The following PHKB variants were observed in gnomAD, a reference collection of about 807,000 sequenced individuals.
PHKB encodes phosphorylase b kinase regulatory subunit beta.
In PHKB, 122 loss-of-function variants were observed where a neutral mutation model predicts 152.1. The ratio of observed to expected loss-of-function variants is 0.80; its 90% CI spans 0.69 to 0.93. PHKB has a LOEUF of 0.93. PHKB is among the 40% of genes least tolerant of loss of function. PHKB has a pLI of 0.00. For missense variants in PHKB, 1,304 were observed against 1,328.4 expected (o/e 0.98, Z 0.29); for synonymous variants, 436 against 464.9 (o/e 0.94, Z 0.80).
At chr16:47,501,776 G>A (rs1284962178) in intron 3 of PHKB, among the ~76,000 whole-genome samples, 2 of 152,154 alleles carry the variant, frequency 1.3e-5, no homozygotes, top group African/African-American at 2.4e-5. Context: ...AATACAAGAG[G>A]ATAGGCAGCA....
At chr16:47,478,922 A>T (rs947484714) in intron 1 of PHKB, among the ~76,000 whole-genome samples, 6 of 152,240 alleles carry the variant, frequency 3.9e-5, no homozygotes, top group Non-Finnish European at 7.3e-5. Context: ...ACAGACCAAA[A>T]TAATGAATGT....
intron 14 of PHKB, among the ~76,000 whole-genome samples, chr16:47,627,472 C>G (rs923160940): frequency 6.6e-6 from 1 of 152,212 alleles, no homozygotes; most frequent in African/African-American, 2.4e-5. Flanking sequence ...GTATTCTCTT[C>G]CACTATAATC....
chr16:47,669,359 G>T lies in PHKB; in HGVS notation c.2572G>T (p.Gly858Cys), dbSNP rs1417249185. ...TCAGCAAGAACTGGTCATCCATATT[G>T]GCTGGATCATCTCCAATAACCCTGA... ...VIQQELVIHI[G>C]WIISNNPELF... Residue 858 changes from glycine to cysteine, a missense_variant, in exon 26 of 31, where the codon GGC (glycine) becomes TGC (cysteine). Gly to Cys is a radical substitution (Grantham distance 159, BLOSUM62 -3). Transcript: ENST00000323584. 2 of 1,614,140 alleles carry T rather than the reference G, an allele frequency of 1.2e-6. No individual in the cohort carries two copies. Among genetic ancestry groups the T allele is most frequent in the Non-Finnish European group, 8.5e-7 (1 of 1,180,010 alleles).
intron 6 of PHKB, among the ~76,000 whole-genome samples, chr16:47,540,819 G>GTTTTTTTTTTTTT (rs75589113): frequency 1.6e-5 from 1 of 64,286 alleles, no homozygotes; most frequent in African/African-American, 6.4e-5. Context: ...TAAATGTCCT[G>GTTTTTTTTTTTTT]TTTTTTTTTT....
At chr16:47,531,069 A>G (rs1385229113) in intron 6 of PHKB, among the ~76,000 whole-genome samples, 1 of 152,166 alleles carries the variant, frequency 6.6e-6, no homozygotes, top group Non-Finnish European at 1.5e-5. Context: ...ATGGAAATTC[A>G]ACAATGTGAT....
At chr16:47,477,991 T>C (rs1218476136) in intron 1 of PHKB, among the ~76,000 whole-genome samples, 1 of 152,072 alleles carries the variant, frequency 6.6e-6, no homozygotes, top group South Asian at 2.1e-4. Context: ...AAGAGAAAAT[T>C]ATATACTTTT....
chr16:47,525,116 C>G (rs886573360), intron 6 of PHKB, among the ~76,000 whole-genome samples: 1 of 152,040 alleles, frequency 6.6e-6, no homozygotes, highest in Non-Finnish European at 1.5e-5. Context: ...CATTTTTTCC[C>G]TAAAATCTTG....
chr16:47,566,352 T>C (rs901932432), intron 7 of PHKB: 1 of 1,414,072 alleles, frequency 7.1e-7, no homozygotes, highest in African/African-American at 1.4e-5. Flanking sequence ...GCCAGAAGAA[T>C]GATCATTCCT....
chr16:47,471,664 G>A (rs1169897383), intron 1 of PHKB, among the ~76,000 whole-genome samples: 2 of 152,148 alleles, frequency 1.3e-5, no homozygotes, highest in Non-Finnish European at 2.9e-5. Context: ...ACATATCTCT[G>A]ACTCAGTAAA....
At chr16:47,464,043 T>G in intron 1 of PHKB, 1 of 1,158,794 alleles carries the variant, frequency 8.6e-7, no homozygotes, top group Admixed American at 1.7e-5. Context: ...TAAATACCTT[T>G]GTTTCTGAAG....
chr16:47,576,361 G>A (rs1374426147), intron 7 of PHKB, among the ~76,000 whole-genome samples: 1 of 152,062 alleles, frequency 6.6e-6, no homozygotes, highest in African/African-American at 2.4e-5. Context: ...ATATTAATTG[G>A]GTTTTTATTA....
At chr16:47,615,578 T>C (rs950028442) in intron 14 of PHKB, among the ~76,000 whole-genome samples, 1 of 152,218 alleles carries the variant, frequency 6.6e-6, no homozygotes, top group Non-Finnish European at 1.5e-5. Flanking sequence ...TGCCTATTGG[T>C]TATTTCAGGC....
intron 8 of PHKB, among the ~76,000 whole-genome samples, chr16:47,584,533 C>T (rs1322917157): frequency 1.3e-5 from 2 of 152,128 alleles, no homozygotes; most frequent in Non-Finnish European, 2.9e-5. Flanking sequence ...GTGAGAGGGG[C>T]TGCTGGAAAG....
chr16:47,474,312 G>A (rs1055487325), intron 1 of PHKB, among the ~76,000 whole-genome samples: 3 of 152,132 alleles, frequency 2.0e-5, no homozygotes, highest in Admixed American at 1.3e-4. Context: ...GACTGAAATA[G>A]GCACCAGCCA....
intron 8 of PHKB, among the ~76,000 whole-genome samples, chr16:47,581,255 A>G (rs1045298664): frequency 1.3e-5 from 2 of 152,138 alleles, no homozygotes; most frequent in Non-Finnish European, 2.9e-5. Context: ...TAATGCAGCC[A>G]CCTCTCTTCT....
intron 14 of PHKB, among the ~76,000 whole-genome samples, chr16:47,625,368 T>G (rs1972690966): frequency 6.6e-6 from 1 of 152,250 alleles, no homozygotes; most frequent in Non-Finnish European, 1.5e-5. Flanking sequence ...TTTAAGTAGC[T>G]TTTCATTCCA....
In PHKB at chr16:47,587,696, A is replaced by C; in HGVS notation, c.803A>C (p.Asp268Ala). The C allele has an allele frequency of 1.9e-6, 3 of 1,613,680 alleles. No homozygotes were observed. Among genetic ancestry groups the C allele is most frequent in the Non-Finnish European group, 2.5e-6 (3 of 1,179,678 alleles). Residue 268 changes from aspartate (D) to alanine (A), a missense_variant, in exon 9 of 31, where the codon GAT (aspartate) becomes GCT (alanine). Asp to Ala is a moderately radical substitution (Grantham distance 126). Transcript: ENST00000323584. The stretch of plus-strand genomic sequence containing the variant: ...TGTTCGTGGTCAGTTATATTTGTGG[A>C]TCTCGATGCTCACAATCGCAACAGG... ...QGCSWSVIFV[D>A]LDAHNRNRQT... is the part of the protein sequence containing the mutation.
chr16:47,630,606 T>C (rs1478023911), intron 14 of PHKB, among the ~76,000 whole-genome samples: 42 of 152,200 alleles, frequency 2.8e-4, no homozygotes, highest in Admixed American at 2.8e-3. Context: ...CAGACTCTAC[T>C]CCCCATGAAT....
intron 6 of PHKB, among the ~76,000 whole-genome samples, chr16:47,546,842 C>T (rs971923361): frequency 4.6e-5 from 7 of 152,230 alleles, no homozygotes; most frequent in South Asian, 4.2e-4. Context: ...GGCTTGCTGC[C>T]GTGCAGTTCG....
Sources: gnomAD v4.1 joint callset for allele counts (sites outside exome capture counted in the v4.1 genomes callset) on GRCh38, gnomAD v4.1.1 for gene constraint, MANE v1.5 for transcripts, NCBI Gene and HGNC (gene_info 2026-07-23, HGNC 2026-07-21) for gene names.